ZC3HAV1: variants seen among roughly 807,000 people sequenced by gnomAD.
ZC3HAV1 encodes the protein zinc finger CCCH-type containing, antiviral 1, also known as zinc finger CCCH-type antiviral protein 1.
A neutral mutation model predicts 86.6 loss-of-function variants in ZC3HAV1; 41 were observed. The observed-to-expected ratio is 0.47, with a 90% CI of 0.37 to 0.61. The LOEUF (loss-of-function observed/expected upper bound fraction) is 0.61, where lower values mean the gene tolerates loss of function less well. ZC3HAV1 is among the 20% of genes least tolerant of loss of function. The pLI, the probability that ZC3HAV1 is intolerant of heterozygous loss-of-function variation, is 0.00. For missense variants in ZC3HAV1, 964 were observed against 1,141.1 expected (o/e 0.84, Z 2.24); for synonymous variants, 421 against 432.1 (o/e 0.97, Z 0.32).
chr7:139,060,681 A>AC (rs1391936946), intron 9 of ZC3HAV1: 1 of 1,093,168 alleles, frequency 9.1e-7, no homozygotes, highest in Non-Finnish European at 1.1e-6. Context: ...TCTAAAAAAA[A>AC]AAAAAAAAAA....
chr7:139,045,388 C>G lies in ZC3HAV1; in HGVS notation c.*2206G>C, dbSNP rs1815926907. On this transcript the variant is annotated 3_prime_UTR_variant, in exon 13 of 13. Coordinates refer to ENST00000242351, the MANE Select transcript of ZC3HAV1 (RefSeq NM_020119.4). ...ATGGGGCCATGACAGCGGTTTTGAACTTTATCCTGAAGACTTGATGTGTGT... is the reference window on the plus strand; with the variant it reads ...ATGGGGCCATGACAGCGGTTTTGAAGTTTATCCTGAAGACTTGATGTGTGT... The G allele has an allele frequency of 6.6e-6, 1 of 152,164 alleles. No homozygotes were observed. Among genetic ancestry groups the G allele is most frequent in the Non-Finnish European group, 1.5e-5 (1 of 68,042 alleles). 9.4% of individuals were successfully genotyped at this position (152,164 alleles called of 1,614,324 possible). A position where few individuals can be genotyped will look rare whatever the true frequency, so the allele number is the denominator to read the frequency against.
intron 12 of ZC3HAV1, among the ~76,000 whole-genome samples, chr7:139,052,606 CAAAAAAAAAAA>C (rs35386659): frequency 6.2e-5 from 4 of 64,964 alleles, no homozygotes; most frequent in African/African-American, 1.3e-4. Flanking sequence ...ACTCTGTCTC[CAAAAAAAAAAA>C]AAAAAAAAAA....
In ZC3HAV1 at chr7:139,076,426, G is replaced by A; in HGVS notation, c.1574-17C>T. 8 of 1,613,598 alleles carry A rather than the reference G, an allele frequency of 5.0e-6. No individual in the cohort carries two copies. The highest frequency in any genetic ancestry group is 6.8e-6 in the Non-Finnish European group (8 of 1,179,844). On this transcript the variant is annotated splice_polypyrimidine_tract_variant and intron_variant, in intron 5 of 12. Transcript: ENST00000242351. ...TGCAGCTACCTACAAAGACAAAGAAGGGGTCTGAGGGACTGTTGAGCAGGG... is the reference window on the plus strand; with the variant it reads ...TGCAGCTACCTACAAAGACAAAGAAAGGGTCTGAGGGACTGTTGAGCAGGG...
chr7:139,109,426 C>T lies in ZC3HAV1; in HGVS notation c.-95G>A. On this transcript the variant is annotated 5_prime_UTR_variant, in exon 1 of 13. Transcript: ENST00000242351. ...ACAAGTGTCCAGGGGCGGGCGCGGG[C>T]GGTGCTACTGCTGGGCGCGCCCGGA... The T allele has an allele frequency of 2.1e-6, 3 of 1,413,602 alleles. No individual in the cohort carries two copies. Among genetic ancestry groups the T allele is most frequent in the South Asian group, 3.0e-5 (2 of 66,842 alleles). The allele number at this position is 1,413,602 out of a possible 1,614,324, so 87.6% of individuals were successfully genotyped here. A position where few individuals can be genotyped will look rare whatever the true frequency, so the allele number is the denominator to read the frequency against.
intron 2 of ZC3HAV1, among the ~76,000 whole-genome samples, chr7:139,087,419 G>A (rs1584864428): frequency 7.5e-6 from 1 of 132,478 alleles, no homozygotes; most frequent in Admixed American, 7.6e-5. Context: ...CAGAGACAGA[G>A]AGAGAGAGAG....
intron 10 of ZC3HAV1, 76 bp from the exon 11 acceptor site, chr7:139,054,171 T>C: frequency 1.4e-6 from 2 of 1,395,344 alleles, no homozygotes; most frequent in Non-Finnish European, 9.5e-7. Context: ...TGTGCCCCCT[T>C]ATGCCATGAA....
chr7:139,080,061 T>A lies in ZC3HAV1; in HGVS notation c.880A>T (p.Thr294Ser), dbSNP rs761400535. ...SLEDAPVDDL[T>S]RKFTYLGSQD... is the part of the protein sequence containing the mutation. ...CTCCCCAGATACGTGAACTTGCGGGTGAGATCGTCCACAGGCGCGTCCTCC... is the reference window on the plus strand; with the variant it reads ...CTCCCCAGATACGTGAACTTGCGGGAGAGATCGTCCACAGGCGCGTCCTCC... Residue 294 changes from threonine (T) to serine (S), a missense_variant, in exon 4 of 13, where the codon ACC (threonine) becomes TCC (serine). By Grantham distance (58) the Thr-to-Ser change is moderately conservative. Coordinates refer to ENST00000242351, the MANE Select transcript of ZC3HAV1 (RefSeq NM_020119.4). 44 of 1,613,994 alleles carry A rather than the reference T, an allele frequency of 2.7e-5. No individual in the cohort carries two copies. In the South Asian group the frequency reaches 4.0e-4, roughly 14 times the overall value.
chr7:139,066,816 A>G (rs960403495), intron 7 of ZC3HAV1, among the ~76,000 whole-genome samples: 3 of 152,158 alleles, frequency 2.0e-5, no homozygotes, highest in Non-Finnish European at 4.4e-5. Flanking sequence ...TCCTGTATGC[A>G]TCCACTGCCT....
intron 12 of ZC3HAV1, among the ~76,000 whole-genome samples, chr7:139,050,713 A>G (rs1183434838): frequency 1.3e-5 from 2 of 152,184 alleles, no homozygotes; most frequent in Admixed American, 6.5e-5. Context: ...GAATTCTAAC[A>G]TAGGATAGAC....
At chr7:139,091,340 T>C (rs1000577738) in intron 1 of ZC3HAV1, among the ~76,000 whole-genome samples, 14 of 151,998 alleles carry the variant, frequency 9.2e-5, no homozygotes, top group African/African-American at 3.1e-4. Flanking sequence ...CTACTAAAAA[T>C]AGCTGTGGTC....
intron 7 of ZC3HAV1, 67 bp downstream of exon 7, chr7:139,073,789 C>G: frequency 6.7e-6 from 10 of 1,488,466 alleles, no homozygotes; most frequent in Non-Finnish European, 9.0e-6. Flanking sequence ...CCGTGCCCAG[C>G]CAACAGTGTT....
intron 3 of ZC3HAV1, 116 bp downstream of exon 3, chr7:139,083,664 T>C (rs1427682714): frequency 5.2e-6 from 7 of 1,342,994 alleles, no homozygotes; most frequent in Non-Finnish European, 6.9e-6. Context: ...GAGGCAGAGG[T>C]TGCAGTGAGC....
intron 8 of ZC3HAV1, among the ~76,000 whole-genome samples, chr7:139,062,734 GA>G (rs778381166): frequency 9.2e-5 from 14 of 152,262 alleles, no homozygotes; most frequent in Admixed American, 3.9e-4. Context: ...TCTAGTTCAG[GA>G]ATAGAAAAAG....
At chr7:139,083,635 G>A in intron 3 of ZC3HAV1, 145 bp downstream of exon 3, 2 of 1,134,810 alleles carry the variant, frequency 1.8e-6, no homozygotes, top group South Asian at 1.7e-5. Flanking sequence ...GCTGAGGCAG[G>A]AGAATCACTT....
At chr7:139,102,532 T>C (rs1313140521) in intron 1 of ZC3HAV1, among the ~76,000 whole-genome samples, 1 of 152,040 alleles carries the variant, frequency 6.6e-6, no homozygotes, top group African/African-American at 2.4e-5. Context: ...TCTCTAAAAT[T>C]GGTGGGGCCC....
chr7:139,092,159 G>A (rs1563138734), intron 1 of ZC3HAV1, among the ~76,000 whole-genome samples: 1 of 152,200 alleles, frequency 6.6e-6, no homozygotes, highest in Non-Finnish European at 1.5e-5. Context: ...GCGGGACTTT[G>A]GGCGTTATCA....
intron 4 of ZC3HAV1, 71 bp from the exon 5 acceptor site, chr7:139,078,724 A>C: frequency 8.9e-7 from 1 of 1,127,820 alleles, no homozygotes; most frequent in African/African-American, 1.6e-5. Flanking sequence ...ACTTGGTCTC[A>C]CAATGGGAAA....
intron 6 of ZC3HAV1, among the ~76,000 whole-genome samples, chr7:139,075,854 A>T (rs949223629): frequency 1.3e-5 from 2 of 152,236 alleles, no homozygotes; most frequent in East Asian, 3.8e-4. Context: ...ACTATATGAA[A>T]TTATTCAAAC....
At position 139,073,837 on chromosome 7, in the gene ZC3HAV1, A is replaced by G. The variant is rs66770423; in HGVS notation, c.1872+19T>C. 235,991 of 1,584,486 alleles carry G rather than the reference A, an allele frequency of 0.15. 22,083 individuals carry two copies. The highest frequency in any genetic ancestry group is 0.4 in the East Asian group (17,251 of 43,458). ...ACAAGTTTAAACAAGAGCCCCCTAC[A>G]AGGAGGAACAGTGCTCACCTCTTCT... is the stretch of plus-strand genomic sequence containing the variant. On this transcript the variant is annotated intron_variant, in intron 7 of 12. Transcript: ENST00000242351.
Sources: allele counts gnomAD v4.1 joint callset (sites outside exome capture counted in the v4.1 genomes callset), GRCh38; gene constraint gnomAD v4.1.1; transcripts MANE v1.5; gene names NCBI Gene and HGNC (gene_info 2026-07-23, HGNC 2026-07-21).